Variants in CNOT1 observed in about 807,000 individuals in gnomAD.
CNOT1 encodes CCR4-NOT transcription complex subunit 1.
In CNOT1, 15 loss-of-function variants were observed where a neutral mutation model predicts 273.8. The ratio of observed to expected loss-of-function variants is 0.05; its 90% CI spans 0.04 to 0.08. The LOEUF (loss-of-function observed/expected upper bound fraction) is 0.08, where lower values mean the gene tolerates loss of function less well. CNOT1 is among the 10% of genes least tolerant of loss of function. CNOT1 has a pLI of 1.00. For synonymous variants in CNOT1, 1,022 were observed against 1,005.5 expected (o/e 1.02, Z -0.31); for missense variants, 1,644 against 2,912.2 (o/e 0.56, Z 10.02).
intron 1 of CNOT1, among the ~76,000 whole-genome samples, chr16:58,623,806 T>C (rs767339359): frequency 6.6e-5 from 10 of 151,962 alleles, no homozygotes; most frequent in Non-Finnish European, 1.5e-4. Context: ...CTGACCAACA[T>C]GATGAAACCC....
At chr16:58,591,410 T>C (rs541944634) in intron 2 of CNOT1, among the ~76,000 whole-genome samples, 3 of 152,328 alleles carry the variant, frequency 2.0e-5, no homozygotes, top group African/African-American at 4.8e-5. Flanking sequence ...ATGCAGATTA[T>C]ACAATAAAAA....
chr16:58,613,190 C>A (rs1372388705), intron 1 of CNOT1, among the ~76,000 whole-genome samples: 4 of 152,060 alleles, frequency 2.6e-5, no homozygotes, highest in Admixed American at 1.3e-4. Flanking sequence ...CGCCAACACG[C>A]CCAGCTAATT....
rs1377207260 is a variant in CNOT1 at position 58,547,144 on chromosome 16, G to C, written c.3750+42C>G. On this transcript the variant is annotated intron_variant, in intron 27 of 48. Coordinates refer to ENST00000317147, the MANE Select transcript of CNOT1 (RefSeq NM_016284.5). This position sits in a 1 kb window ranked among gnomAD's most constrained non-coding sequence, Gnocchi z 4.0. Reference sequence around the variant, plus strand: ...TGACCTCATGCTAAAACAAAGCAATGCTTAGAAATTAGTCATAAATAAAAT... The same window carrying C: ...TGACCTCATGCTAAAACAAAGCAATCCTTAGAAATTAGTCATAAATAAAAT... The C allele has an allele frequency of 6.3e-7, 1 of 1,590,802 alleles. No individual in the cohort carries two copies. Among genetic ancestry groups the C allele is most frequent in the Non-Finnish European group, 8.6e-7 (1 of 1,168,612 alleles).
Position 58,616,067 on chromosome 16 carries a change from G to A in CNOT1, c.-175+13661C>T, listed in dbSNP as rs1165332272. On this transcript the variant is annotated intron_variant, in intron 1 of 48. Coordinates refer to ENST00000317147, the MANE Select transcript of CNOT1 (RefSeq NM_016284.5). ...AGCCTGGATGACAGGGCAAGACACT[G>A]ACTCTACCAAAAAAATAAAAAGTAA... is the stretch of plus-strand genomic sequence containing the variant. 4.0e-5 allele frequency among the ~76,000 whole-genome samples: 5 copies of A among 124,300 alleles called. 2 individuals carry two copies. Among genetic ancestry groups the A allele is most frequent in the Admixed American group, 2.4e-4 (3 of 12,540 alleles). 81.5% of individuals were successfully genotyped at this position (124,300 alleles called of 152,430 possible). A position where few individuals can be genotyped will look rare whatever the true frequency, so the allele number is the denominator to read the frequency against.
At chr16:58,549,407 G>A (rs946184113) in intron 25 of CNOT1, among the ~76,000 whole-genome samples, 1 of 151,420 alleles carries the variant, frequency 6.6e-6, no homozygotes, top group Admixed American at 6.6e-5. Flanking sequence ...TACAGAGGGC[G>A]ACACCATACA....
intron 21 of CNOT1, 144 bp from the exon 22 acceptor site, chr16:58,554,004 A>C: frequency 8.5e-7 from 1 of 1,170,746 alleles, no homozygotes; most frequent in East Asian, 3.2e-5. Flanking sequence ...AAAGTGAAGA[A>C]AACAAAAATA....
intron 29 of CNOT1, 149 bp from the exon 30 acceptor site, chr16:58,545,640 C>T: frequency 2.9e-6 from 4 of 1,401,232 alleles, no homozygotes; most frequent in South Asian, 3.0e-5. Flanking sequence ...ATTTTTCCCA[C>T]CCTGAAAGGG....
chr16:58,603,430 TG>T (rs2042550273), intron 1 of CNOT1, among the ~76,000 whole-genome samples: 5 of 150,196 alleles, frequency 3.3e-5, no homozygotes, highest in East Asian at 1.9e-4. Context: ...TGTGTGTGTG[TG>T]TGTGTGTGTG....
chr16:58,545,319 T>C (rs767331746), intron 30 of CNOT1, 42 bp downstream of exon 30: 13 of 1,602,010 alleles, frequency 8.1e-6, no homozygotes, highest in Admixed American at 3.4e-5. Flanking sequence ...ATTTACCTTA[T>C]CACAAACTAG....
chr16:58,586,589 A>T lies in CNOT1; in HGVS notation c.593T>A (p.Val198Asp). Reference protein sequence around the residue: ...LLFGQKGAFGVGQEQIDAFLK... With the variant: ...LLFGQKGAFGDGQEQIDAFLK... Reference sequence around the variant, plus strand: ...AAAAGCGTCTATCTGTTCTTGTCCAACTCCAAAGGCTCCCTTCTGCCCAAA... The same window carrying T: ...AAAAGCGTCTATCTGTTCTTGTCCATCTCCAAAGGCTCCCTTCTGCCCAAA... Residue 198 changes from valine to aspartate, a missense_variant, in exon 7 of 49, where the codon GTT becomes GAT. Physicochemically the swap from Val to Asp is radical, Grantham distance 152. This residue lies in a region of CNOT1 where 706 missense variants were observed against 1,021.2 expected (regional missense o/e 0.69). Transcript: ENST00000317147. 6.2e-7 allele frequency: 1 copy of T among 1,612,066 alleles called. No homozygotes were observed. Among genetic ancestry groups the T allele is most frequent in the Non-Finnish European group, 8.5e-7 (1 of 1,179,586 alleles).
intron 1 of CNOT1, among the ~76,000 whole-genome samples, chr16:58,619,857 G>T (rs940897812): frequency 6.6e-6 from 1 of 152,108 alleles, no homozygotes; most frequent in African/African-American, 2.4e-5. Context: ...AAGGTTGGGG[G>T]TAAAGAAAGA....
intron 30 of CNOT1, among the ~76,000 whole-genome samples, chr16:58,544,318 C>G (rs1455646030): frequency 6.6e-6 from 1 of 152,090 alleles, no homozygotes; most frequent in East Asian, 1.9e-4. Flanking sequence ...AAAATTAATT[C>G]ATCAGAATAG....
At chr16:58,580,863 G>A in intron 11 of CNOT1, 103 bp from the exon 12 acceptor site, 1 of 1,099,330 alleles carries the variant, frequency 9.1e-7, no homozygotes, top group Non-Finnish European at 1.3e-6. Flanking sequence ...TATTAGCATG[G>A]CAATTTCCCG....
chr16:58,600,534 T>C (rs1182619781), intron 1 of CNOT1, among the ~76,000 whole-genome samples: 4 of 152,214 alleles, frequency 2.6e-5, no homozygotes, highest in Non-Finnish European at 5.9e-5. Context: ...TGCGACCTAT[T>C]TATAAGACAC....
At chr16:58,577,776 G>A (rs1477157913) in intron 13 of CNOT1, among the ~76,000 whole-genome samples, 3 of 151,380 alleles carry the variant, frequency 2.0e-5, no homozygotes, top group South Asian at 4.2e-4. Flanking sequence ...GGAGGTTGAG[G>A]CTGCAGTGAG....
intron 16 of CNOT1, among the ~76,000 whole-genome samples, chr16:58,572,284 C>CAA (rs879400589): frequency 7.7e-6 from 1 of 129,224 alleles, no homozygotes; most frequent in Non-Finnish European, 1.7e-5. Context: ...AACTCCATCT[C>CAA]AAAAAAAAAA....
rs562267645 is a variant in CNOT1, at chr16:58,540,796, C to T, written c.4800+705G>A. On this transcript the variant is annotated intron_variant, in intron 34 of 48. Transcript: ENST00000317147. ...AAATACAAACCAAAGGATTCAGGAG[C>T]GATGGGGGTATCAGGTCAGCAACTT... 3.3e-5 allele frequency among the ~76,000 whole-genome samples: 5 copies of T among 151,918 alleles called. No individual in the cohort carries two copies. The East Asian group carries it at 7.7e-4, about 23-fold the overall frequency.
chr16:58,582,978 C>T (rs1482841602), intron 9 of CNOT1, 75 bp from the exon 10 acceptor site: 1 of 1,608,230 alleles, frequency 6.2e-7, no homozygotes, highest in Non-Finnish European at 8.5e-7. Context: ...AACAATCAAT[C>T]ATACTGTAAT....
At chr16:58,549,296 G>GGAA (rs1555496101) in intron 25 of CNOT1, among the ~76,000 whole-genome samples, 1 of 119,586 alleles carries the variant, frequency 8.4e-6, no homozygotes, top group Non-Finnish European at 1.7e-5. Context: ...CAAAAAAATT[G>GGAA]AAAAAAAAAA....
Sources: gnomAD v4.1 joint callset for allele counts (sites outside exome capture counted in the v4.1 genomes callset) on GRCh38, gnomAD v4.1.1 for gene constraint, gnomAD v4.1.1 regional missense constraint, Gnocchi (gnomAD v3.1) non-coding constraint, MANE v1.5 for transcripts, NCBI Gene and HGNC (gene_info 2026-07-23, HGNC 2026-07-21) for gene names.